Variants in GNAO1 observed in about 807,000 individuals in gnomAD.
GNAO1 encodes the protein G protein subunit alpha o1.
For synonymous variants in GNAO1, 164 were observed against 180.7 expected, an observed-to-expected ratio of 0.91 and a Z score of 0.74; for missense variants, 166 against 478.7, an observed-to-expected ratio of 0.35 and a Z score of 6.10.
chr16:56,347,732 G>A (rs2037885246), intron 6 of GNAO1: 12 of 984,590 alleles, frequency 1.2e-5, no homozygotes, highest in African/African-American at 1.8e-5. Context: ...GTGCAGCTCC[G>A]AGGCACCACT....
intron 2 of GNAO1, among the ~76,000 whole-genome samples, chr16:56,211,878 G>A (rs1428993401): frequency 6.6e-6 from 1 of 152,226 alleles, no homozygotes; most frequent in Non-Finnish European, 1.5e-5. Context: ...CAGCCCAGCA[G>A]TGCTCTATTC....
At chr16:56,276,219 T>A (rs1294902422) in intron 3 of GNAO1, 147 bp downstream of exon 3, 2 of 623,130 alleles carry the variant, frequency 3.2e-6, no homozygotes, top group Non-Finnish European at 5.1e-6. Flanking sequence ...GTCACCAACC[T>A]AAGCCATTGC....
intron 6 of GNAO1, chr16:56,344,026 T>C: frequency 6.3e-7 from 1 of 1,575,784 alleles, no homozygotes; most frequent in African/African-American, 1.3e-5. Context: ...GCTCCACCAC[T>C]CTCAGACCAC....
intron 2 of GNAO1, chr16:56,235,280 C>CT: frequency 2.2e-6 from 1 of 455,554 alleles, no homozygotes; most frequent in Non-Finnish European, 4.4e-6. Context: ...CACCTAGAAA[C>CT]TTGATAGAGA....
At chr16:56,342,404 C>A (rs1403825351) in intron 6 of GNAO1, among the ~76,000 whole-genome samples, 2 of 152,240 alleles carry the variant, frequency 1.3e-5, no homozygotes, top group Admixed American at 6.5e-5. Context: ...CCTGCTGCCC[C>A]CTCCACAGCC....
intron 3 of GNAO1, among the ~76,000 whole-genome samples, chr16:56,288,846 T>C (rs1246283411): frequency 6.6e-6 from 1 of 151,986 alleles, no homozygotes; most frequent in Non-Finnish European, 1.5e-5. Context: ...GCTGGCAGGG[T>C]GACCTCAGGC....
chr16:56,348,207 T>C (rs1023848141), intron 6 of GNAO1: 24 of 984,382 alleles, frequency 2.4e-5, no homozygotes, highest in Non-Finnish European at 2.9e-5. Flanking sequence ...CTAGCGTGAG[T>C]GTGATGTGTT....
intron 3 of GNAO1, among the ~76,000 whole-genome samples, chr16:56,321,523 C>G (rs1223938009): frequency 6.6e-6 from 1 of 152,148 alleles, no homozygotes; most frequent in African/African-American, 2.4e-5. Flanking sequence ...TCTTTGTCCA[C>G]CCCAGACTCT....
rs149834734 is a variant in GNAO1, at chr16:56,347,366, G to A, written c.724-4018G>A. 10 of 985,438 alleles carry A rather than the reference G, an allele frequency of 1.0e-5. No individual in the cohort carries two copies. In the African/African-American group the frequency reaches 1.4e-4, roughly 14 times the overall value. The allele number at this position is 985,438 out of a possible 1,614,324, so 61.0% of individuals were successfully genotyped here. The stretch of plus-strand genomic sequence containing the variant: ...TGCTGTCAGGCCGCAAGCCTAGAGC[G>A]CAGGATCCCAGCAGCCCAGGGAACA... On this transcript the variant is annotated intron_variant, in intron 6 of 8. Transcript: ENST00000262493.
chr16:56,345,289 T>C, intron 6 of GNAO1: 3 of 985,360 alleles, frequency 3.0e-6, no homozygotes, highest in Non-Finnish European at 3.6e-6. Flanking sequence ...CCTGGGGACC[T>C]AGATGTGCCA....
chr16:56,243,557 C>T lies in GNAO1; in HGVS notation c.162-32374C>T, dbSNP rs554094623. ...GACAATATACAAATGACCAATAGCA[C>T]ATGAAAAGATGCTTGACGTTATTGG... On this transcript the variant is annotated intron_variant, in intron 2 of 8. Coordinates refer to ENST00000262493, the MANE Select transcript of GNAO1 (RefSeq NM_020988.3). Among the ~76,000 whole-genome samples the T allele has an allele frequency of 2.6e-5, 4 of 152,226 alleles. No homozygotes were observed. In the South Asian group the frequency reaches 8.3e-4, roughly 32 times the overall value.
At position 56,224,163 on chromosome 16, in the gene GNAO1, C is replaced by G. The variant is rs188442284; in HGVS notation, c.161+31547C>G. On this transcript the variant is annotated intron_variant, in intron 2 of 8. Transcript: ENST00000262493. ...AGGCCGTATTCATTTCCCTGGAGGT[C>G]TCTAGATCCTGTGGTCTAAGCCAAG... Among the ~76,000 whole-genome samples, 485 of 152,316 alleles carry G rather than the reference C, an allele frequency of 3.2e-3. 14 individuals carry two copies. The highest frequency in any genetic ancestry group is 0.031 in the Admixed American group (468 of 15,308).
chr16:56,346,498 G>A lies in GNAO1; in HGVS notation c.724-4886G>A, dbSNP rs545603205. ...TGCCTATGGGCCAGTTTTGTGACCT[G>A]CGCCGCTGACCATCCTAAGAACCAG... On this transcript the variant is annotated intron_variant, in intron 6 of 8. Coordinates refer to ENST00000262493, the MANE Select transcript of GNAO1 (RefSeq NM_020988.3). 6 of 985,428 alleles carry A rather than the reference G, an allele frequency of 6.1e-6. No individual in the cohort carries two copies. The African/African-American group carries it at 7.0e-5, about 11-fold the overall frequency. 61.0% of individuals were successfully genotyped at this position (985,428 alleles called of 1,614,324 possible). A position where few individuals can be genotyped will look rare whatever the true frequency, so the allele number is the denominator to read the frequency against.
chr16:56,192,390 CG>C, intron 1 of GNAO1, 37 bp downstream of exon 1: 2 of 1,251,142 alleles, frequency 1.6e-6, no homozygotes, highest in South Asian at 1.2e-5. Context: ...CCCCCGACCC[CG>C]GCCACTCCGC....
At chr16:56,254,057 G>A (rs2036824388) in intron 2 of GNAO1, among the ~76,000 whole-genome samples, 1 of 151,626 alleles carries the variant, frequency 6.6e-6, no homozygotes, top group Non-Finnish European at 1.5e-5. Context: ...TGTTTGTTTG[G>A]GGAAGATAAA....
At chr16:56,256,333 C>G (rs1283060461) in intron 2 of GNAO1, among the ~76,000 whole-genome samples, 1 of 152,160 alleles carries the variant, frequency 6.6e-6, no homozygotes, top group East Asian at 1.9e-4. Context: ...TCAGGCAAAG[C>G]CAGTTTCTAC....
At chr16:56,314,760 T>C (rs1446596108) in intron 3 of GNAO1, among the ~76,000 whole-genome samples, 6 of 152,152 alleles carry the variant, frequency 3.9e-5, no homozygotes, top group African/African-American at 1.4e-4. Flanking sequence ...AAGTGACATC[T>C]TAGTTTTGTT....
chr16:56,201,213 A>G (rs972110527), intron 2 of GNAO1, among the ~76,000 whole-genome samples: 1 of 152,218 alleles, frequency 6.6e-6, no homozygotes. Flanking sequence ...CAGGAAGTTC[A>G]GGGAAGACAG....
At chr16:56,225,953 G>A (rs2036529667) in intron 2 of GNAO1, among the ~76,000 whole-genome samples, 1 of 151,936 alleles carries the variant, frequency 6.6e-6, no homozygotes, top group Admixed American at 6.6e-5. Flanking sequence ...GGGCAGCCAT[G>A]GAAAGGTGTG....
Sources: allele counts gnomAD v4.1 joint callset (sites outside exome capture counted in the v4.1 genomes callset), GRCh38; gene constraint gnomAD v4.1.1; transcripts MANE v1.5; gene names NCBI Gene and HGNC (gene_info 2026-07-23, HGNC 2026-07-21).